TAFA2: variants seen among roughly 807,000 people sequenced by gnomAD.
TAFA2 encodes the protein chemokine-like protein TAFA-2.
A neutral mutation model predicts 18.8 loss-of-function variants in TAFA2; 7 were observed. The ratio of observed to expected loss-of-function variants is 0.37; its 90% CI spans 0.21 to 0.70. The LOEUF is 0.70. Ranked by LOEUF, TAFA2 falls within the 30% of genes least tolerant of loss-of-function variation. The pLI, the probability that TAFA2 is intolerant of heterozygous loss-of-function variation, is 0.53. For synonymous variants in TAFA2, 60 were observed against 54.2 expected, an observed-to-expected ratio of 1.11 and a Z score of -0.47; for missense variants, 122 against 158.1, an observed-to-expected ratio of 0.77 and a Z score of 1.23.
At chr12:62,164,726 G>C (rs947836068) in intron 1 of TAFA2, among the ~76,000 whole-genome samples, 4 of 152,258 alleles carry the variant, frequency 2.6e-5, no homozygotes, top group Admixed American at 1.3e-4. Context: ...TTAATTCAGA[G>C]TAGTTTCTAA....
chr12:62,216,977 G>A (rs916459922), intron 1 of TAFA2, among the ~76,000 whole-genome samples: 1 of 152,174 alleles, frequency 6.6e-6, no homozygotes, highest in African/African-American at 2.4e-5. Flanking sequence ...GGTAGTATAT[G>A]GGAGTCCAGT....
At chr12:62,058,675 G>T (rs1882253793) in intron 1 of TAFA2, among the ~76,000 whole-genome samples, 1 of 152,016 alleles carries the variant, frequency 6.6e-6, no homozygotes, top group African/African-American at 2.4e-5. Flanking sequence ...AGAAGTAATT[G>T]TTCAACTGGG....
intron 1 of TAFA2, among the ~76,000 whole-genome samples, chr12:62,045,980 C>A (rs1377288894): frequency 6.6e-6 from 1 of 151,948 alleles, no homozygotes; most frequent in Non-Finnish European, 1.5e-5. Flanking sequence ...GAACTGTGAT[C>A]CAAAAGAAAT....
chr12:62,156,761 AT>A (rs2062372215), intron 1 of TAFA2, among the ~76,000 whole-genome samples: 1 of 152,186 alleles, frequency 6.6e-6, no homozygotes, highest in South Asian at 2.1e-4. Context: ...ATGAAGACGG[AT>A]AAAAGACTAC....
chr12:62,072,659 G>T (rs2136806717), intron 1 of TAFA2, among the ~76,000 whole-genome samples: 1 of 152,140 alleles, frequency 6.6e-6, no homozygotes, highest in Non-Finnish European at 1.5e-5. Context: ...ATGTGCACCT[G>T]TAGTCCCAGC....
chr12:61,794,212 A>G (rs1871100914), intron 2 of TAFA2, among the ~76,000 whole-genome samples: 1 of 152,060 alleles, frequency 6.6e-6, no homozygotes, highest in South Asian at 2.1e-4. Context: ...CAGTCAGGCA[A>G]GATAAAGAAT....
chr12:61,806,631 GA>G (rs1483045975), intron 2 of TAFA2, among the ~76,000 whole-genome samples: 7 of 152,300 alleles, frequency 4.6e-5, no homozygotes, highest in African/African-American at 1.7e-4. Context: ...AAAAATGTGG[GA>G]AAGTTTGGAA....
chr12:62,049,860 C>T (rs544546507), intron 1 of TAFA2, among the ~76,000 whole-genome samples: 1 of 152,174 alleles, frequency 6.6e-6, no homozygotes, highest in Admixed American at 6.5e-5. Flanking sequence ...ACTCTCTGAA[C>T]TGAGCACATC....
intron 1 of TAFA2, among the ~76,000 whole-genome samples, chr12:62,138,492 T>C (rs1265789369): frequency 6.6e-6 from 1 of 152,226 alleles, no homozygotes; most frequent in East Asian, 1.9e-4. Context: ...GCTATAGTTT[T>C]AGTTCCTGAA....
intron 1 of TAFA2, 61 bp from the exon 2 acceptor site, chr12:61,867,487 T>C (rs1874409228): frequency 6.9e-6 from 7 of 1,009,168 alleles, no homozygotes; most frequent in South Asian, 6.8e-5. Context: ...TCCCTTATGA[T>C]TGTGCTACAT....
At chr12:62,030,639 T>C (rs1420245734) in intron 1 of TAFA2, among the ~76,000 whole-genome samples, 2 of 152,130 alleles carry the variant, frequency 1.3e-5, no homozygotes, top group African/African-American at 2.4e-5. Flanking sequence ...GGAGAGCCAG[T>C]TGTCAGAGCA....
At chr12:61,867,206 G>T in intron 2 of TAFA2, 114 bp downstream of exon 2, 1 of 665,812 alleles carries the variant, frequency 1.5e-6, no homozygotes. Context: ...AACTGCCAGG[G>T]GGAGAATCTA....
chr12:61,980,189 C>A (rs1449173043), intron 1 of TAFA2, among the ~76,000 whole-genome samples: 1 of 152,198 alleles, frequency 6.6e-6, no homozygotes, highest in East Asian at 1.9e-4. Context: ...ATAAACAGAA[C>A]CAACGACAAA....
intron 1 of TAFA2, among the ~76,000 whole-genome samples, chr12:62,210,148 T>C (rs1180195739): frequency 1.3e-5 from 2 of 151,952 alleles, no homozygotes; most frequent in Non-Finnish European, 2.9e-5. Flanking sequence ...ATCACGCCAC[T>C]GCTCTCCAGC....
chr12:61,902,165 T>C (rs1402937003), intron 1 of TAFA2, among the ~76,000 whole-genome samples: 3 of 151,324 alleles, frequency 2.0e-5, no homozygotes, highest in Non-Finnish European at 4.4e-5. Flanking sequence ...TGGTAACCTG[T>C]TACACCGAGG....
rs74234910 is a variant in TAFA2 at position 62,068,122 on chromosome 12, A to T, written c.-2+123137T>A. 4.9e-4 allele frequency among the ~76,000 whole-genome samples: 74 copies of T among 152,170 alleles called. No homozygotes were observed. The East Asian group carries it at 0.01, about 22-fold the overall frequency. ...AAAAAAAAAATTAAATAAAAATTTT[A>T]AAAAAAGCTTATTTACCTTCCTCAC... On this transcript the variant is annotated intron_variant, in intron 1 of 4. Transcript: ENST00000416284.
chr12:61,806,959 A>G (rs1006535403), intron 2 of TAFA2, among the ~76,000 whole-genome samples: 4 of 152,214 alleles, frequency 2.6e-5, no homozygotes, highest in Non-Finnish European at 5.9e-5. Context: ...AAAAGTTTGC[A>G]AAATTTGTAG....
chr12:62,209,887 C>T (rs745984595), intron 1 of TAFA2, among the ~76,000 whole-genome samples: 20 of 152,012 alleles, frequency 1.3e-4, no homozygotes, highest in Non-Finnish European at 2.5e-4. Flanking sequence ...AGTAACTTGC[C>T]CAAGCAATTA....
At chr12:61,805,887 A>C (rs902633666) in intron 2 of TAFA2, among the ~76,000 whole-genome samples, 15 of 152,204 alleles carry the variant, frequency 9.9e-5, no homozygotes, top group African/African-American at 3.6e-4. Context: ...TAACAAATTA[A>C]ACTAATAAAT....
Sources: gnomAD v4.1 joint callset for allele counts (sites outside exome capture counted in the v4.1 genomes callset) on GRCh38, gnomAD v4.1.1 for gene constraint, MANE v1.5 for transcripts, NCBI Gene and HGNC (gene_info 2026-07-23, HGNC 2026-07-21) for gene names.